Variants in NCOR1 observed in about 807,000 individuals in gnomAD.
NCOR1 encodes the protein protein phosphatase 1, regulatory subunit 109.
A neutral mutation model predicts 288.1 loss-of-function variants in NCOR1; 63 were observed. The ratio of observed to expected loss-of-function variants is 0.22; its 90% confidence interval spans 0.18 to 0.27. NCOR1 has a LOEUF of 0.27. Among genes scored for constraint, NCOR1 ranks in the 10% least tolerant of loss-of-function variants. The pLI is 1.00. For missense variants in NCOR1, 2,397 were observed against 3,019.2 expected, an observed-to-expected ratio of 0.79 and a Z score of 4.83; for synonymous variants, 1,007 against 1,065.9, an observed-to-expected ratio of 0.94 and a Z score of 1.08.
At chr17:16,089,508 C>A (rs932178194) in intron 22 of NCOR1, among the ~76,000 whole-genome samples, 1 of 152,016 alleles carries the variant, frequency 6.6e-6, no homozygotes, top group African/African-American at 2.4e-5. Context: ...GGCATACCTA[C>A]AGTAATTATT....
At chr17:16,185,151 A>G (rs1229666124) in intron 3 of NCOR1, among the ~76,000 whole-genome samples, 3 of 152,130 alleles carry the variant, frequency 2.0e-5, no homozygotes, top group African/African-American at 7.2e-5. Context: ...GAAAAAGTCT[A>G]GATTTCTTAT....
intron 16 of NCOR1, among the ~76,000 whole-genome samples, chr17:16,120,713 C>G (rs762898895): frequency 6.6e-6 from 1 of 152,004 alleles, no homozygotes; most frequent in Non-Finnish European, 1.5e-5. Context: ...GGGAAGAGGG[C>G]AGACAACCTA....
chr17:16,115,835 C>T lies in NCOR1; in HGVS notation c.2055+2053G>A, dbSNP rs557850161. The stretch of plus-strand genomic sequence containing the variant: ...TTCTGAGCCCTCCAAACTGTTGCAA[C>T]CTCTGCCTGTTACCCAGTTCCAAAG... On this transcript the variant is annotated intron_variant, in intron 18 of 45. Coordinates refer to ENST00000268712, the MANE Select transcript of NCOR1 (RefSeq NM_006311.4). Among the ~76,000 whole-genome samples the T allele has an allele frequency of 1.5e-3, 236 of 152,328 alleles. 1 individual carries two copies. The highest frequency in any genetic ancestry group is 1.8e-3 in the African/African-American group (74 of 41,570).
chr17:16,051,905 C>A (rs762156991), intron 40 of NCOR1, among the ~76,000 whole-genome samples: 1 of 151,988 alleles, frequency 6.6e-6, no homozygotes, highest in Admixed American at 6.6e-5. Flanking sequence ...GAGCGAAACT[C>A]CTTCTCAAAA....
chr17:16,149,596 C>A, intron 8 of NCOR1, 79 bp from the exon 9 acceptor site: 1 of 571,510 alleles, frequency 1.7e-6, no homozygotes, highest in Non-Finnish European at 3.0e-6. Flanking sequence ...TCCAGAGACA[C>A]TGGAAAATAG....
chr17:16,091,936 T>C lies in NCOR1; in HGVS notation c.2943A>G (p.Glu981=), dbSNP rs758020392. Residue 981 remains glutamate (E), a synonymous_variant, in exon 22 of 46, where the codon GAA becomes GAG. Coordinates refer to ENST00000268712, the MANE Select transcript of NCOR1 (RefSeq NM_006311.4). ...ALLEEQRQRQ[E]QIDLECRSST... Reference sequence around the variant, plus strand: ...AACTTCTACATTCCAAATCTATCTGTTCTTGTCTCTGCCGCTGCTCCTCCA... The same window carrying C: ...AACTTCTACATTCCAAATCTATCTGCTCTTGTCTCTGCCGCTGCTCCTCCA... The C allele has an allele frequency of 5.0e-6, 8 of 1,614,132 alleles. No individual in the cohort carries two copies. Among genetic ancestry groups the C allele is most frequent in the Non-Finnish European group, 6.8e-6 (8 of 1,180,052 alleles).
In NCOR1 at chr17:16,145,860, G is replaced by A. The variant is rs368652958; in HGVS notation, c.1082+516C>T. ...GCGGTTTTGTCGACTAGAGAGGGGG[G>A]GAAATGTGGCGAGAGTAGAGGGAGA... On this transcript the variant is annotated intron_variant, in intron 10 of 45. Coordinates refer to ENST00000268712, the MANE Select transcript of NCOR1 (RefSeq NM_006311.4). Among the ~76,000 whole-genome samples, 14 of 152,330 alleles carry A rather than the reference G, an allele frequency of 9.2e-5. No homozygotes were observed. The South Asian group carries it at 2.9e-3, about 32-fold the overall frequency.
At chr17:16,088,549 C>T (rs2064620962) in intron 22 of NCOR1, among the ~76,000 whole-genome samples, 1 of 152,080 alleles carries the variant, frequency 6.6e-6, no homozygotes, top group South Asian at 2.1e-4. Context: ...AATAATTTGT[C>T]TTTTCCCTTC....
At chr17:16,190,841 G>T (rs178814) in intron 2 of NCOR1, among the ~76,000 whole-genome samples, 1 of 152,042 alleles carries the variant, frequency 6.6e-6, no homozygotes, top group Non-Finnish European at 1.5e-5. Context: ...ATAGGCAGCA[G>T]AGGGCTTGAT....
chr17:16,149,030 C>A (rs574221607), intron 9 of NCOR1, among the ~76,000 whole-genome samples: 1 of 151,804 alleles, frequency 6.6e-6, no homozygotes, highest in African/African-American at 2.4e-5. Flanking sequence ...ATATGGAAAA[C>A]CATTTGAATT....
chr17:16,215,133 C>A (rs2092444265), intron 1 of NCOR1, among the ~76,000 whole-genome samples: 1 of 152,212 alleles, frequency 6.6e-6, no homozygotes, highest in East Asian at 1.9e-4. Context: ...CTCCAAACTC[C>A]ATAAGCCTCC....
In NCOR1 at chr17:16,158,774, A is replaced by G; in HGVS notation, c.718T>C (p.Tyr240His). The change falls in exon 6 of 46, where the codon TAT (tyrosine) becomes CAT (histidine). Residue 240 changes from tyrosine (Y) to histidine (H), a missense_variant. This residue lies in a region of NCOR1 where 76 missense variants were observed against 102.2 expected (regional missense o/e 0.74). Coordinates refer to ENST00000268712, the MANE Select transcript of NCOR1 (RefSeq NM_006311.4). ...QKHRSIVQII[Y>H]DENRKKAEEA... Reference sequence around the variant, plus strand: ...TATGAGCTTACCCGATTCTCATCATAAATAATTTGGACAATACTGCGGTGT... The same window carrying G: ...TATGAGCTTACCCGATTCTCATCATGAATAATTTGGACAATACTGCGGTGT... 1 of 1,612,944 alleles carries G rather than the reference A, an allele frequency of 6.2e-7. No individual in the cohort carries two copies. The highest frequency in any genetic ancestry group is 8.5e-7 in the Non-Finnish European group (1 of 1,179,062).
In NCOR1 at chr17:16,030,274, A is replaced by C; in HGVS notation, c.*2022T>G. ...CTTCATGTTGAATAGGCTGAGGATG[A>C]GAAGGGGTTGGTCTTGCTATCTTGG... On this transcript the variant is annotated 3_prime_UTR_variant, in exon 46 of 46. Coordinates refer to ENST00000268712, the MANE Select transcript of NCOR1 (RefSeq NM_006311.4). The C allele has an allele frequency of 4.4e-6, 1 of 227,228 alleles. No individual in the cohort carries two copies. Among genetic ancestry groups the C allele is most frequent in the Non-Finnish European group, 8.7e-6 (1 of 114,930 alleles). The allele number at this position is 227,228 out of a possible 1,614,324, so 14.1% of individuals were successfully genotyped here. A position where few individuals can be genotyped will look rare whatever the true frequency, so the allele number is the denominator to read the frequency against.
At chr17:16,070,655 A>C in intron 30 of NCOR1, 130 bp from the exon 31 acceptor site, 2 of 1,213,510 alleles carry the variant, frequency 1.6e-6, no homozygotes, top group Non-Finnish European at 2.3e-6. Flanking sequence ...ACAAATCTCA[A>C]TCACAACCCC....
intron 18 of NCOR1, among the ~76,000 whole-genome samples, chr17:16,113,632 C>G (rs936921738): frequency 2.0e-5 from 3 of 152,206 alleles, no homozygotes; most frequent in Middle Eastern, 3.2e-3. Context: ...GTGGCTCACG[C>G]CTGTAATCCC....
intron 14 of NCOR1, among the ~76,000 whole-genome samples, chr17:16,127,724 T>C (rs1354555980): frequency 4.0e-5 from 5 of 123,632 alleles, no homozygotes; most frequent in Non-Finnish European, 5.3e-5. Context: ...TATATATACA[T>C]ATATGTGTAT....
intron 3 of NCOR1, among the ~76,000 whole-genome samples, chr17:16,173,131 A>C (rs2083431321): frequency 1.3e-5 from 2 of 152,026 alleles, no homozygotes; most frequent in African/African-American, 2.4e-5. Context: ...TATATTGCCT[A>C]GGCTGGTCTC....
At chr17:16,032,573 T>G in intron 45 of NCOR1, 90 bp from the exon 46 acceptor site, 1 of 1,266,368 alleles carries the variant, frequency 7.9e-7, no homozygotes, top group Non-Finnish European at 1.1e-6. Context: ...AGAATAGGAT[T>G]ATTGTAAAAT....
intron 35 of NCOR1, among the ~76,000 whole-genome samples, chr17:16,062,847 C>T (rs1193945916): frequency 6.6e-6 from 1 of 152,168 alleles, no homozygotes; most frequent in African/African-American, 2.4e-5. Flanking sequence ...CACTTGGCTC[C>T]CACAATTACA....
Sources: gnomAD v4.1 joint callset for allele counts (sites outside exome capture counted in the v4.1 genomes callset) on GRCh38, gnomAD v4.1.1 for gene constraint, gnomAD v4.1.1 regional missense constraint, MANE v1.5 for transcripts, NCBI Gene and HGNC (gene_info 2026-07-23, HGNC 2026-07-21) for gene names.